GSDMC: variants seen among roughly 807,000 people sequenced by gnomAD.
The protein encoded by GSDMC is gasdermin C, also known as gasdermin-C.
GSDMC carries 59 observed loss-of-function variants against 58.0 expected under a neutral mutation model. The observed-to-expected ratio is 1.02, with a 90% CI of 0.82 to 1.26. GSDMC has a LOEUF of 1.26. GSDMC is among the 50% of genes most tolerant of loss of function. The pLI, the probability that GSDMC is intolerant of heterozygous loss-of-function variation, is 0.00. For synonymous variants in GSDMC, 241 were observed against 220.2 expected, an observed-to-expected ratio of 1.09 and a Z score of -0.83; for missense variants, 659 against 598.5, an observed-to-expected ratio of 1.10 and a Z score of -1.06.
In GSDMC at chr8:129,750,500, C is replaced by G; in HGVS notation, c.1014G>C (p.Gln338His). Residue 338 changes from glutamine to histidine, a missense_variant, in exon 11 of 14, where the codon CAG becomes CAC. By Grantham distance (24) the Gln-to-His change is conservative (BLOSUM62 0). Coordinates refer to ENST00000276708, the MANE Select transcript of GSDMC (RefSeq NM_031415.3). ...CCAGGATACTGTAGAACATGACATC[C>G]TGAACATCCTTTGAGAGCTGAGCCA... is the stretch of plus-strand genomic sequence containing the variant. Reference protein sequence around the residue: ...KTLAQLSKDVQDVMFYSILAM... With the variant: ...KTLAQLSKDVHDVMFYSILAM... 1 of 1,613,924 alleles carries G rather than the reference C, an allele frequency of 6.2e-7. No individual in the cohort carries two copies. Among genetic ancestry groups the G allele is most frequent in the Middle Eastern group, 1.7e-4 (1 of 6,060 alleles).
At chr8:129,770,470 T>C (rs746748133) in intron 3 of GSDMC, among the ~76,000 whole-genome samples, 2 of 152,194 alleles carry the variant, frequency 1.3e-5, no homozygotes, top group Non-Finnish European at 2.9e-5. Flanking sequence ...CACTCCAGCC[T>C]AGGCAACAGA....
In GSDMC at chr8:129,777,925, G is replaced by C. The variant is rs202118347; in HGVS notation, c.-4-334C>G. ...CTTAAGACAATTTGGGCTTCTGACA[G>C]GCACTGCTGTAAAATTCATTGCCCC... is the stretch of plus-strand genomic sequence containing the variant. On this transcript the variant is annotated intron_variant, in intron 1 of 13. Transcript: ENST00000276708. 6.6e-5 allele frequency among the ~76,000 whole-genome samples: 10 copies of C among 152,200 alleles called. No homozygotes were observed. In the East Asian group the frequency reaches 1.9e-3, roughly 29 times the overall value.
In GSDMC at chr8:129,748,318, C is replaced by T. The variant is rs1393087957; in HGVS notation, c.*183G>A. 5.0e-5 allele frequency: 25 copies of T among 501,390 alleles called. No individual in the cohort carries two copies. The highest frequency in any genetic ancestry group is 8.6e-5 in the Non-Finnish European group (25 of 290,194). The allele number at this position is 501,390 out of a possible 1,614,324, so 31.1% of individuals were successfully genotyped here. On this transcript the variant is annotated 3_prime_UTR_variant, in exon 14 of 14. Transcript: ENST00000276708. ...ATAAACTCTTGTCAATATATAAACT[C>T]TTGTCAATATATAGAGTATTCCACC... is the stretch of plus-strand genomic sequence containing the variant.
At chr8:129,754,299 C>G (rs200855325) in intron 6 of GSDMC, among the ~76,000 whole-genome samples, 5 of 151,824 alleles carry the variant, frequency 3.3e-5, no homozygotes, top group African/African-American at 7.2e-5. Context: ...TGGCTCAGTA[C>G]AGAGAGAGAG....
intron 1 of GSDMC, among the ~76,000 whole-genome samples, chr8:129,783,731 G>GA (rs370962943): frequency 5.5e-4 from 84 of 152,102 alleles, no homozygotes; most frequent in African/African-American, 1.8e-3. Context: ...CACAGAAAGA[G>GA]AAAAAACAAT....
chr8:129,718,321 T>A, the GSDMC span, among the ~76,000 whole-genome samples: 1 of 152,070 alleles, frequency 6.6e-6, no homozygotes, highest in African/African-American at 2.4e-5. Flanking sequence ...TTTAAACAAA[T>A]TTACAAGAAA....
At chr8:129,760,695 T>G (rs1293276687) in intron 5 of GSDMC, 106 bp from the exon 6 acceptor site, 5 of 664,936 alleles carry the variant, frequency 7.5e-6, no homozygotes, top group African/African-American at 7.3e-5. Context: ...CTGTTAAATC[T>G]GACCACTGGC....
chr8:129,738,865 C>T, the GSDMC span, among the ~76,000 whole-genome samples: 1 of 151,780 alleles, frequency 6.6e-6, no homozygotes, highest in Non-Finnish European at 1.5e-5. Context: ...AAGAGATAAA[C>T]ATCTTAAAAA....
At chr8:129,745,318 A>G (rs1258503374), downstream of GSDMC, among the ~76,000 whole-genome samples, 1 of 152,096 alleles carries the variant, frequency 6.6e-6, no homozygotes, top group Admixed American at 6.5e-5. Flanking sequence ...AGTCTTCCTC[A>G]TCTTCTTTGA....
chr8:129,756,394 T>C (rs1438218832), intron 6 of GSDMC, among the ~76,000 whole-genome samples: 1 of 151,876 alleles, frequency 6.6e-6, no homozygotes, highest in Non-Finnish European at 1.5e-5. Flanking sequence ...AGAGATATTA[T>C]TAGAGCTAAA....
intron 10 of GSDMC, 100 bp from the exon 11 acceptor site, chr8:129,750,670 C>T: frequency 8.3e-7 from 1 of 1,210,802 alleles, no homozygotes; most frequent in South Asian, 1.4e-5. Context: ...AACCAAACTC[C>T]TCTATCCCTT....
At chr8:129,771,387 T>C (rs2724837) in intron 3 of GSDMC, among the ~76,000 whole-genome samples, 1 of 152,164 alleles carries the variant, frequency 6.6e-6, no homozygotes, top group Non-Finnish European at 1.5e-5. Context: ...CCAGAGCACA[T>C]GGAACATTCT....
At chr8:129,729,291 A>C in the GSDMC span, 1 of 593,436 alleles carries the variant, frequency 1.7e-6, no homozygotes, top group Non-Finnish European at 3.2e-6. Context: ...TCAGAAGCCT[A>C]TAGGCACATG....
chr8:129,743,516 T>C (rs770929245), downstream of GSDMC, among the ~76,000 whole-genome samples: 9 of 152,214 alleles, frequency 5.9e-5, no homozygotes, highest in African/African-American at 9.6e-5. Context: ...TTAAAGTCCT[T>C]ATCAGCTAAC....
At chr8:129,751,788 G>T (rs909273617) in intron 9 of GSDMC, 74 bp downstream of exon 9, 2 of 1,462,220 alleles carry the variant, frequency 1.4e-6, no homozygotes, top group East Asian at 2.3e-5. Flanking sequence ...GGCGAGGCAG[G>T]GGCAATCTGC....
chr8:129,742,114 C>T, the GSDMC span, among the ~76,000 whole-genome samples: 8 of 151,582 alleles, frequency 5.3e-5, no homozygotes, highest in African/African-American at 1.5e-4. Context: ...GAGAGTAGGA[C>T]GGAGGTTACC....
the GSDMC span, among the ~76,000 whole-genome samples, chr8:129,709,048 C>T: frequency 1.3e-5 from 2 of 152,200 alleles, no homozygotes; most frequent in African/African-American, 4.8e-5. Context: ...ACACGTCCCC[C>T]TTCATTTTGT....
chr8:129,737,491 T>C, the GSDMC span, among the ~76,000 whole-genome samples: 1 of 152,004 alleles, frequency 6.6e-6, no homozygotes, highest in Non-Finnish European at 1.5e-5. Flanking sequence ...ATACCACACA[T>C]CTACAACCTT....
chr8:129,710,661 C>T, the GSDMC span, among the ~76,000 whole-genome samples: 2 of 152,182 alleles, frequency 1.3e-5, no homozygotes, highest in African/African-American at 4.8e-5. Context: ...CAGCAGCAGG[C>T]ATACTGAGTC....
Sources: allele counts gnomAD v4.1 joint callset (sites outside exome capture counted in the v4.1 genomes callset), GRCh38; gene constraint gnomAD v4.1.1; transcripts MANE v1.5; gene names NCBI Gene and HGNC (gene_info 2026-07-23, HGNC 2026-07-21).